PIGB: variants seen among roughly 807,000 people sequenced by gnomAD.
PIGB encodes the protein phosphatidylinositol glycan anchor biosynthesis class B, also known as GPI alpha-1,2-mannosyltransferase 3.
Under a neutral mutation model 68.4 loss-of-function variants are expected in PIGB, and 58 were observed. That is an observed-to-expected ratio of 0.85 (90% confidence interval 0.69 to 1.06). The LOEUF is 1.06. PIGB is among the 50% of genes least tolerant of loss of function. PIGB has a pLI of 0.00. For missense variants in PIGB, 634 were observed against 655.8 expected, an observed-to-expected ratio of 0.97 and a Z score of 0.36; for synonymous variants, 219 against 220.5, an observed-to-expected ratio of 0.99 and a Z score of 0.06.
chr15:55,355,457 C>G lies in PIGB; in HGVS notation c.*25C>G, dbSNP rs1219528152. 4.4e-6 allele frequency: 7 copies of G among 1,581,266 alleles called. No individual in the cohort carries two copies. Among genetic ancestry groups the G allele is most frequent in the Non-Finnish European group, 5.2e-6 (6 of 1,158,950 alleles). Reference sequence around the variant, plus strand: ...AACTTTCCTAGATAAATTAACATTGCTGGGTGGAAATATTCAGATGCTGCT... The same window carrying G: ...AACTTTCCTAGATAAATTAACATTGGTGGGTGGAAATATTCAGATGCTGCT... On this transcript the variant is annotated 3_prime_UTR_variant, in exon 12 of 12. Transcript: ENST00000164305.
intron 10 of PIGB, among the ~76,000 whole-genome samples, chr15:55,351,269 G>A (rs982908332): frequency 2.6e-5 from 4 of 151,406 alleles, no homozygotes; most frequent in Admixed American, 6.6e-5. Flanking sequence ...CACCATGCCC[G>A]GCTAATTTTT....
At chr15:55,352,744 G>A (rs922617641) in intron 10 of PIGB, among the ~76,000 whole-genome samples, 1 of 152,098 alleles carries the variant, frequency 6.6e-6, no homozygotes, top group Non-Finnish European at 1.5e-5. Context: ...GCGACAGAGC[G>A]AGACTCAACC....
chr15:55,354,331 A>G (rs2056016440), intron 10 of PIGB, among the ~76,000 whole-genome samples: 4 of 152,060 alleles, frequency 2.6e-5, no homozygotes, highest in South Asian at 2.1e-4. Context: ...AACTTGCCAT[A>G]TAAGTATGTG....
chr15:55,321,281 A>AT lies in PIGB; in HGVS notation c.311dup (p.Leu104PhefsTer32). ...CTCCTTAATGTTACTAATTATGGTT[A>AT]TTTGACTTGGGAATGGACAGAGAGA... On this transcript the variant is annotated frameshift_variant, in exon 3 of 12. Coordinates refer to ENST00000164305, the MANE Select transcript of PIGB (RefSeq NM_004855.5). LOFTEE classifies it high-confidence loss of function. The AT allele has an allele frequency of 6.2e-7, 1 of 1,600,480 alleles. No homozygotes were observed. Among genetic ancestry groups the AT allele is most frequent in the Non-Finnish European group, 8.5e-7 (1 of 1,172,652 alleles).
intron 6 of PIGB, among the ~76,000 whole-genome samples, chr15:55,336,921 T>C (rs1016664600): frequency 2.0e-5 from 3 of 152,132 alleles, no homozygotes; most frequent in African/African-American, 4.8e-5. Flanking sequence ...ACCCCAGAGG[T>C]AGACGTTGCA....
intron 10 of PIGB, 176 bp from the exon 11 acceptor site, chr15:55,354,622 A>C: frequency 1.7e-6 from 1 of 586,002 alleles, no homozygotes. Context: ...ATGGTATAAG[A>C]ATCATGTTTT....
intron 9 of PIGB, among the ~76,000 whole-genome samples, chr15:55,347,965 T>C (rs954466985): frequency 6.6e-6 from 1 of 151,588 alleles, no homozygotes; most frequent in African/African-American, 2.4e-5. Flanking sequence ...TACTATTGTA[T>C]TCCTAGTGCC....
At position 55,355,378 on chromosome 15, in the gene PIGB, A is replaced by G. The variant is rs2056056414; in HGVS notation, c.1611A>G (p.Ile537Met). The G allele has an allele frequency of 6.2e-7, 1 of 1,612,024 alleles. No individual in the cohort carries two copies. Among genetic ancestry groups the G allele is most frequent in the South Asian group, 1.1e-5 (1 of 90,952 alleles). Reference sequence around the variant, plus strand: ...CAGAGGGTCGAATTGGAAGTCACATATATGTCTATGAACGGAAGTTAAAAG... The same window carrying G: ...CAGAGGGTCGAATTGGAAGTCACATGTATGTCTATGAACGGAAGTTAAAAG... ...HLPEGRIGSH[I>M]YVYERKLKGK... Residue 537 changes from isoleucine to methionine, a missense_variant, in exon 12 of 12, where the codon ATA becomes ATG. By Grantham distance (10) the Ile-to-Met change is conservative. Transcript: ENST00000164305.
intron 9 of PIGB, chr15:55,343,137 A>G (rs972381559): frequency 1.3e-5 from 2 of 152,224 alleles, no homozygotes; most frequent in Admixed American, 1.3e-4. Context: ...TAAACATACA[A>G]ATATAAAATC....
intron 9 of PIGB, chr15:55,349,876 G>A (rs1003490128): frequency 6.6e-6 from 1 of 152,154 alleles, no homozygotes; most frequent in Non-Finnish European, 1.5e-5. Flanking sequence ...ATCTTTTCCA[G>A]TGGAAAGGCC....
rs566761907 is a variant in PIGB, at chr15:55,354,264, C to T, written c.1338-534C>T. ...TGGAGGTTGCAGTGAGCTGAGATTG[C>T]GCCATTGCACTCCAGCCTGGGTGAC... On this transcript the variant is annotated intron_variant, in intron 10 of 11. Transcript: ENST00000164305. 5.3e-5 allele frequency among the ~76,000 whole-genome samples: 8 copies of T among 151,680 alleles called. No individual in the cohort carries two copies. In the East Asian group the frequency reaches 7.8e-4, roughly 15 times the overall value.
At chr15:55,330,845 T>G (rs914400837) in intron 5 of PIGB, among the ~76,000 whole-genome samples, 5 of 152,186 alleles carry the variant, frequency 3.3e-5, no homozygotes, top group Non-Finnish European at 7.3e-5. Flanking sequence ...ATAAGATCAT[T>G]TCTGTCTTAG....
At chr15:55,355,030 T>C (rs1483069014) in intron 11 of PIGB, 52 bp downstream of exon 11, 3 of 1,423,616 alleles carry the variant, frequency 2.1e-6, no homozygotes, top group Non-Finnish European at 2.9e-6. Flanking sequence ...TTACCCCAGG[T>C]TTAGGAAACC....
intron 9 of PIGB, among the ~76,000 whole-genome samples, chr15:55,342,925 AC>A (rs1453989202): frequency 6.6e-6 from 1 of 152,102 alleles, no homozygotes; most frequent in Admixed American, 6.6e-5. Context: ...AAATATTAAG[AC>A]CTTAAAAAAA....
In PIGB at chr15:55,337,728, A is replaced by G. The variant is rs146729613; in HGVS notation, c.795-1539A>G. On this transcript the variant is annotated intron_variant, in intron 6 of 11. Coordinates refer to ENST00000164305, the MANE Select transcript of PIGB (RefSeq NM_004855.5). ...TATATGGATACCAAAAGATGTGTAA[A>G]AGAATGTTCATTGCAGCACTATTCA... Among the ~76,000 whole-genome samples, 57 of 152,322 alleles carry G rather than the reference A, an allele frequency of 3.7e-4. 1 individual carries two copies. The highest frequency in any genetic ancestry group is 1.4e-3 in the African/African-American group (57 of 41,582).
At chr15:55,321,874 A>G (rs887835708) in intron 3 of PIGB, among the ~76,000 whole-genome samples, 1 of 137,072 alleles carries the variant, frequency 7.3e-6, no homozygotes, top group Non-Finnish European at 1.6e-5. Flanking sequence ...CTGGTCTCGA[A>G]CTCCCGACCT....
chr15:55,355,362 G>A lies in PIGB; in HGVS notation c.1595G>A (p.Arg532Gln), dbSNP rs779483306. The A allele has an allele frequency of 6.8e-6, 11 of 1,610,548 alleles. No homozygotes were observed. Among genetic ancestry groups the A allele is most frequent in the African/African-American group, 6.7e-5 (5 of 74,802 alleles). ...TTCCACACTCACTTGCCAGAGGGTCGAATTGGAAGTCACATATATGTCTAT... is the reference window on the plus strand; with the variant it reads ...TTCCACACTCACTTGCCAGAGGGTCAAATTGGAAGTCACATATATGTCTAT... ...VFFHTHLPEGRIGSHIYVYER... is the reference protein window; with the variant it reads ...VFFHTHLPEGQIGSHIYVYER... The change falls in exon 12 of 12, where the codon CGA (arginine) becomes CAA (glutamine). Residue 532 changes from arginine (R) to glutamine (Q), a missense_variant. Transcript: ENST00000164305.
Position 55,355,587 on chromosome 15 carries a change from T to G in PIGB, c.*155T>G. The G allele has an allele frequency of 1.9e-6, 1 of 529,450 alleles. No individual in the cohort carries two copies. The highest frequency in any genetic ancestry group is 3.6e-5 in the Admixed American group (1 of 28,160). The allele number at this position is 529,450 out of a possible 1,614,324, so 32.8% of individuals were successfully genotyped here. On this transcript the variant is annotated 3_prime_UTR_variant, in exon 12 of 12. Transcript: ENST00000164305. ...CTGAGGAAATGTATAAAATACCACA[T>G]AGTATAAAATTACATGTTAATACAA...
intron 7 of PIGB, chr15:55,340,053 T>G (rs910810236): frequency 3.9e-5 from 6 of 152,246 alleles, no homozygotes; most frequent in African/African-American, 1.2e-4. Context: ...AAATATAAGT[T>G]TGATTCTCAC....
Sources: allele counts gnomAD v4.1 joint callset (sites outside exome capture counted in the v4.1 genomes callset), GRCh38; gene constraint gnomAD v4.1.1; transcripts MANE v1.5; gene names NCBI Gene and HGNC (gene_info 2026-07-23, HGNC 2026-07-21).